ALMS1: variants seen among roughly 807,000 people sequenced by gnomAD.
ALMS1 encodes the protein centrosome-associated protein ALMS1.
A neutral mutation model predicts 352.2 loss-of-function variants in ALMS1; 271 were observed. The ratio of observed to expected loss-of-function variants is 0.77; its 90% CI spans 0.70 to 0.85. The LOEUF is 0.85. Among genes scored for constraint, ALMS1 ranks in the 40% least tolerant of loss-of-function variants. The probability of loss-of-function intolerance (pLI) is 0.00; values close to 1 mark genes in which losing one functional copy is unlikely to be tolerated. For missense variants in ALMS1, 5,445 were observed against 4,870.7 expected, an observed-to-expected ratio of 1.12 and a Z score of -3.51; for synonymous variants, 1,865 against 1,761.2, an observed-to-expected ratio of 1.06 and a Z score of -1.48.
At chr2:73,568,595 A>G (rs866143628) in intron 15 of ALMS1, among the ~76,000 whole-genome samples, 1 of 152,190 alleles carries the variant, frequency 6.6e-6, no homozygotes, top group African/African-American at 2.4e-5. Context: ...GAATTTTTCT[A>G]TAAGAAAACT....
intron 16 of ALMS1, among the ~76,000 whole-genome samples, chr2:73,574,661 TC>T (rs1675015164): frequency 6.6e-6 from 1 of 152,170 alleles, no homozygotes; most frequent in South Asian, 2.1e-4. Context: ...ATGCTTTTTT[TC>T]TAAAGTAAGT....
In ALMS1 at chr2:73,491,426, G is replaced by A. The variant is rs776617746; in HGVS notation, c.9467G>A (p.Arg3156Lys). The A allele has an allele frequency of 6.2e-7, 1 of 1,614,088 alleles. No homozygotes were observed. Among genetic ancestry groups the A allele is most frequent in the Admixed American group, 1.7e-5 (1 of 60,016 alleles). ...CAGAATAGCCAGATAGTAACCTCCAGGCAAATACAAGTGAACATTTCAGAT... is the reference window on the plus strand; with the variant it reads ...CAGAATAGCCAGATAGTAACCTCCAAGCAAATACAAGTGAACATTTCAGAT... ...PSQNSQIVTSRQIQVNISDFE... is the reference protein window; with the variant it reads ...PSQNSQIVTSKQIQVNISDFE... The change falls in exon 10 of 23, where the codon AGG becomes AAG. Residue 3156 changes from arginine to lysine, a missense_variant. Physicochemically the swap from Arg to Lys is conservative, Grantham distance 26 (BLOSUM62 2). Transcript: ENST00000613296.
intron 4 of ALMS1, 88 bp downstream of exon 4, chr2:73,423,062 T>G: frequency 5.9e-6 from 7 of 1,186,080 alleles, no homozygotes; most frequent in Non-Finnish European, 8.8e-6. Flanking sequence ...GGTGGGACTT[T>G]GAGGTGGGGC....
chr2:73,456,615 G>T lies in ALMS1; in HGVS notation c.7674+1320G>T, dbSNP rs964081161. 3 of 152,046 alleles carry T rather than the reference G, an allele frequency of 2.0e-5. No homozygotes were observed. The East Asian group carries it at 5.8e-4, about 29-fold the overall frequency. The allele number at this position is 152,046 out of a possible 1,614,324, so 9.4% of individuals were successfully genotyped here. A position where few individuals can be genotyped will look rare whatever the true frequency, so the allele number is the denominator to read the frequency against. ...GATTTCATGGCCTGATTCATACAAA[G>T]TTTCTTAGAAAACTATTCTCCAGTG... On this transcript the variant is annotated intron_variant, in intron 9 of 22. Transcript: ENST00000613296.
chr2:73,514,643 T>A (rs1673520457), intron 10 of ALMS1, among the ~76,000 whole-genome samples: 1 of 152,202 alleles, frequency 6.6e-6, no homozygotes, highest in Non-Finnish European at 1.5e-5. Flanking sequence ...TATATTTACA[T>A]ACACACATCC....
At position 73,550,943 on chromosome 2, in the gene ALMS1, G is replaced by A. The variant is rs567812927; in HGVS notation, c.10078+506G>A. On this transcript the variant is annotated intron_variant, in intron 13 of 22. Coordinates refer to ENST00000613296, the MANE Select transcript of ALMS1 (RefSeq NM_001378454.1). ...TGCAGTGTTGAACTCCTGGACTCCA[G>A]TGATCCTCCCACCTCAGCCTTCTGA... Among the ~76,000 whole-genome samples the A allele has an allele frequency of 4.6e-5, 7 of 152,172 alleles. No homozygotes were observed. The East Asian group carries it at 1.3e-3, about 29-fold the overall frequency.
At chr2:73,539,183 A>G (rs1458599058) in intron 12 of ALMS1, among the ~76,000 whole-genome samples, 4 of 152,298 alleles carry the variant, frequency 2.6e-5, no homozygotes, top group East Asian at 3.9e-4. Context: ...CTCTGAGACA[A>G]AACTTTCAGA....
chr2:73,539,097 C>T (rs1246708526), intron 12 of ALMS1, among the ~76,000 whole-genome samples: 3 of 152,208 alleles, frequency 2.0e-5, no homozygotes, highest in Non-Finnish European at 2.9e-5. Flanking sequence ...TCAAGTGGGA[C>T]CCTGACCCCT....
Position 73,450,031 on chromosome 2 carries a change from T to C in ALMS1, c.3504T>C (p.Ala1168=). ...ALPGTHIPEE[A]QKVSAVTGPG... ...CAGGTACTCATATACCTGAAGAGGC[T>C]CAGAAAGTTTCAGCTGTTACTGGAC... Residue 1168 remains alanine, a synonymous_variant, in exon 8 of 23, where the codon GCT becomes GCC. Transcript: ENST00000613296. 1 of 1,613,730 alleles carries C rather than the reference T, an allele frequency of 6.2e-7. No individual in the cohort carries two copies. Among genetic ancestry groups the C allele is most frequent in the Non-Finnish European group, 8.5e-7 (1 of 1,179,914 alleles).
chr2:73,557,153 G>A, intron 13 of ALMS1, 67 bp from the exon 14 acceptor site: 1 of 1,601,670 alleles, frequency 6.2e-7, no homozygotes, highest in Non-Finnish European at 8.6e-7. Context: ...AATTGTGGGG[G>A]AGGATTACTT....
chr2:73,537,358 C>A (rs1243268633), intron 12 of ALMS1, among the ~76,000 whole-genome samples: 1 of 152,080 alleles, frequency 6.6e-6, no homozygotes, highest in African/African-American at 2.4e-5. Context: ...CAGGAAAGAC[C>A]CAAGGCGCTA....
chr2:73,405,059 G>A (rs959566782), intron 1 of ALMS1, among the ~76,000 whole-genome samples: 37 of 151,564 alleles, frequency 2.4e-4, no homozygotes, highest in African/African-American at 9.0e-4. Context: ...CCACAGGCAA[G>A]CACCACCATG....
rs1276513610 is a variant in ALMS1, at chr2:73,572,589, C to T, written c.10712C>T (p.Pro3571Leu). 6.2e-7 allele frequency: 1 copy of T among 1,613,618 alleles called. No homozygotes were observed. The highest frequency in any genetic ancestry group is 1.3e-5 in the African/African-American group (1 of 74,846). Residue 3571 changes from proline (P) to leucine (L), a missense_variant, in exon 16 of 23, where the codon CCA becomes CTA. Coordinates refer to ENST00000613296, the MANE Select transcript of ALMS1 (RefSeq NM_001378454.1). ...ACTAAAAGTCAAGTTAGAGATTATC[C>T]AAAACATAATGGACAAATTAGTGAT... Reference protein sequence around the residue: ...DTTKSQVRDYPKHNGQISDPQ... With the variant: ...DTTKSQVRDYLKHNGQISDPQ...
At chr2:73,442,468 G>A (rs1209429554) in intron 7 of ALMS1, among the ~76,000 whole-genome samples, 1 of 152,082 alleles carries the variant, frequency 6.6e-6, no homozygotes, top group African/African-American at 2.4e-5. Context: ...TGTTTCTCAA[G>A]TTTTAAATGC....
chr2:73,591,163 T>A (rs1301143713), intron 16 of ALMS1, among the ~76,000 whole-genome samples: 1 of 152,162 alleles, frequency 6.6e-6, no homozygotes, highest in African/African-American at 2.4e-5. Flanking sequence ...ATAAATAATA[T>A]TGTTATGTAT....
Position 73,434,941 on chromosome 2 carries a change from C to T in ALMS1, c.1432+2650C>T, listed in dbSNP as rs1465768014. Among the ~76,000 whole-genome samples, 3 of 152,214 alleles carry T rather than the reference C, an allele frequency of 2.0e-5. No homozygotes were observed. The Middle Eastern group carries it at 0.01, about 518-fold the overall frequency. On this transcript the variant is annotated intron_variant, in intron 7 of 22. Coordinates refer to ENST00000613296, the MANE Select transcript of ALMS1 (RefSeq NM_001378454.1). ...CCTCCTGAGTAGCTGGGACTATAGG[C>T]GTGTGCCCACCATGCCCAATTAATT...
chr2:73,531,885 C>A (rs900860683), intron 11 of ALMS1, among the ~76,000 whole-genome samples: 6 of 152,220 alleles, frequency 3.9e-5, no homozygotes, highest in African/African-American at 1.4e-4. Context: ...CCTGAGAACT[C>A]CCTCACTATC....
chr2:73,520,132 G>A (rs943220607), intron 11 of ALMS1, 116 bp downstream of exon 11: 3 of 1,316,836 alleles, frequency 2.3e-6, no homozygotes, highest in Non-Finnish European at 3.3e-6. Flanking sequence ...TAAGAATTAG[G>A]GTCCATATGA....
intron 17 of ALMS1, 136 bp from the exon 18 acceptor site, chr2:73,600,542 C>G (rs1675654385): frequency 4.0e-6 from 3 of 753,654 alleles, no homozygotes; most frequent in Admixed American, 6.2e-5. Context: ...CTCTTCCTCT[C>G]TCTTCGCATC....
Sources: allele counts gnomAD v4.1 joint callset (sites outside exome capture counted in the v4.1 genomes callset), GRCh38; gene constraint gnomAD v4.1.1; transcripts MANE v1.5; gene names NCBI Gene and HGNC (gene_info 2026-07-23, HGNC 2026-07-21).